XYLT1: variants seen among roughly 807,000 people sequenced by gnomAD.
XYLT1 encodes xylosyltransferase 1, also known as beta-D-xylosyltransferase 1.
In XYLT1, 36 loss-of-function variants were observed where a neutral mutation model predicts 91.3. That is an observed-to-expected ratio of 0.39 (90% CI 0.30 to 0.52). The LOEUF is 0.52. XYLT1 is among the 20% of genes least tolerant of loss of function. XYLT1 has a pLI of 0.68. For synonymous variants in XYLT1, 588 were observed against 532.0 expected, an observed-to-expected ratio of 1.11 and a Z score of -1.45; for missense variants, 1,242 against 1,284.5, an observed-to-expected ratio of 0.97 and a Z score of 0.51.
chr16:17,249,422 C>T lies in XYLT1; in HGVS notation c.913+9566G>A, dbSNP rs781236619. 5.9e-5 allele frequency among the ~76,000 whole-genome samples: 9 copies of T among 152,156 alleles called. 1 individual carries two copies. The highest frequency in any genetic ancestry group is 4.1e-4 in the South Asian group (2 of 4,832). On this transcript the variant is annotated intron_variant, in intron 3 of 11. Transcript: ENST00000261381. Reference sequence around the variant, plus strand: ...ACTGAGGATTATGATGTGCCAAGCACGAGATATTCAAAGATGAGTACGATC... The same window carrying T: ...ACTGAGGATTATGATGTGCCAAGCATGAGATATTCAAAGATGAGTACGATC...
At chr16:17,469,809 G>A (rs1040291815) in intron 1 of XYLT1, among the ~76,000 whole-genome samples, 4 of 152,156 alleles carry the variant, frequency 2.6e-5, no homozygotes, top group Non-Finnish European at 4.4e-5. Flanking sequence ...CATGGGAGAC[G>A]GCAAGGTTAG....
chr16:17,206,248 T>G (rs959928867), intron 3 of XYLT1, among the ~76,000 whole-genome samples: 1 of 152,006 alleles, frequency 6.6e-6, no homozygotes, highest in South Asian at 2.1e-4. Flanking sequence ...TTCGTCTTAC[T>G]GGGGGAGAAA....
intron 5 of XYLT1, among the ~76,000 whole-genome samples, chr16:17,194,681 A>G (rs1056899469): frequency 3.0e-4 from 45 of 152,312 alleles, no homozygotes; most frequent in African/African-American, 1.1e-3. Flanking sequence ...CTGCCAGTCC[A>G]GTTCTGCTGA....
At chr16:17,175,832 C>A (rs2031930737) in intron 5 of XYLT1, among the ~76,000 whole-genome samples, 1 of 152,208 alleles carries the variant, frequency 6.6e-6, no homozygotes, top group South Asian at 2.1e-4. Context: ...GGAGAAGCAG[C>A]TGAGCCAACC....
At chr16:17,448,395 G>C (rs1360877928) in intron 1 of XYLT1, among the ~76,000 whole-genome samples, 3 of 152,120 alleles carry the variant, frequency 2.0e-5, no homozygotes, top group African/African-American at 7.2e-5. Context: ...AAATGGCTGT[G>C]AGCCTGGGCG....
intron 1 of XYLT1, among the ~76,000 whole-genome samples, chr16:17,418,883 T>A: frequency 6.6e-6 from 1 of 151,852 alleles, no homozygotes; most frequent in South Asian, 2.1e-4. Context: ...GCTGTTCTTA[T>A]GTCATTACAC....
intron 1 of XYLT1, among the ~76,000 whole-genome samples, chr16:17,396,350 C>CTTGG (rs2141896808): frequency 6.6e-6 from 1 of 152,238 alleles, no homozygotes; most frequent in South Asian, 2.1e-4. Context: ...GCTGGGTGAC[C>CTTGG]TTGGGCATGT....
intron 1 of XYLT1, among the ~76,000 whole-genome samples, chr16:17,409,769 C>T (rs367934641): frequency 1.3e-5 from 2 of 151,986 alleles, no homozygotes; most frequent in African/African-American, 4.8e-5. Context: ...ATGCTGGTCT[C>T]GAACTCCTGA....
intron 7 of XYLT1, 51 bp from the exon 8 acceptor site, chr16:17,138,582 A>ATGAAC (rs752153206): frequency 4.7e-5 from 74 of 1,587,142 alleles, no homozygotes; most frequent in Admixed American, 6.7e-5. Context: ...CCTCCCACAG[A>ATGAAC]TGAACTGGGG....
At chr16:17,298,316 C>T (rs541210634) in intron 2 of XYLT1, among the ~76,000 whole-genome samples, 2 of 152,180 alleles carry the variant, frequency 1.3e-5, no homozygotes, top group Admixed American at 6.5e-5. Context: ...CCATAACTAA[C>T]GTTCCCTGCA....
chr16:17,251,552 G>A (rs1596448819), intron 3 of XYLT1, among the ~76,000 whole-genome samples: 2 of 152,176 alleles, frequency 1.3e-5, no homozygotes, highest in Non-Finnish European at 2.9e-5. Flanking sequence ...CAGGAGCAAC[G>A]CAAGGAGCCA....
chr16:17,233,338 T>C (rs1413427373), intron 3 of XYLT1, among the ~76,000 whole-genome samples: 1 of 151,870 alleles, frequency 6.6e-6, no homozygotes, highest in African/African-American at 2.4e-5. Context: ...AAACAGTGAG[T>C]GATGGATGCC....
intron 2 of XYLT1, among the ~76,000 whole-genome samples, chr16:17,347,430 G>A (rs895181227): frequency 1.3e-5 from 2 of 152,344 alleles, no homozygotes; most frequent in Non-Finnish European, 2.9e-5. Flanking sequence ...CCTGCCTGGG[G>A]CATCTCTTCT....
intron 1 of XYLT1, among the ~76,000 whole-genome samples, chr16:17,377,424 A>G (rs1167624066): frequency 2.6e-5 from 4 of 152,084 alleles, no homozygotes; most frequent in African/African-American, 9.7e-5. Context: ...GAATCTTCCC[A>G]TCACTGCAGT....
intron 5 of XYLT1, among the ~76,000 whole-genome samples, chr16:17,183,151 G>A (rs754588127): frequency 3.3e-5 from 5 of 152,172 alleles, no homozygotes; most frequent in Non-Finnish European, 5.9e-5. Context: ...GTCATGTGAC[G>A]TTGGGCAAGT....
chr16:17,311,922 C>T (rs975439315), intron 2 of XYLT1, among the ~76,000 whole-genome samples: 8 of 148,434 alleles, frequency 5.4e-5, no homozygotes, highest in Admixed American at 3.3e-4. Flanking sequence ...ACAATGAGAA[C>T]AATATAGGGG....
intron 2 of XYLT1, among the ~76,000 whole-genome samples, chr16:17,309,759 T>C (rs1328294097): frequency 6.6e-6 from 1 of 152,236 alleles, no homozygotes; most frequent in East Asian, 1.9e-4. Context: ...ATGCCTTTAT[T>C]TTGCGAATGA....
chr16:17,286,783 T>C (rs12930089), intron 2 of XYLT1, among the ~76,000 whole-genome samples: 13,061 of 152,278 alleles, frequency 0.086, 773 homozygotes, highest in South Asian at 0.23. Flanking sequence ...ATAGCCATCG[T>C]TGATTGTGTC....
At chr16:17,253,404 A>G (rs1219388321) in intron 3 of XYLT1, among the ~76,000 whole-genome samples, 1 of 152,140 alleles carries the variant, frequency 6.6e-6, no homozygotes, top group African/African-American at 2.4e-5. Flanking sequence ...CCTCAGGACA[A>G]ACTCCGGCAA....
Sources: gnomAD v4.1 joint callset for allele counts (sites outside exome capture counted in the v4.1 genomes callset) on GRCh38, gnomAD v4.1.1 for gene constraint, MANE v1.5 for transcripts, NCBI Gene and HGNC (gene_info 2026-07-23, HGNC 2026-07-21) for gene names.